NSD1: variants seen among roughly 807,000 people sequenced by gnomAD.
NSD1 encodes histone-lysine N-methyltransferase, H3 lysine-36 specific.
In NSD1, 26 loss-of-function variants were observed where a neutral mutation model predicts 242.7. The observed-to-expected ratio is 0.11, with a 90% confidence interval of 0.08 to 0.15. The LOEUF (loss-of-function observed/expected upper bound fraction) is 0.15. Among genes scored for constraint, NSD1 ranks in the 10% least tolerant of loss-of-function variants. NSD1 has a pLI of 1.00. For missense variants in NSD1, 2,495 were observed against 3,272.8 expected, an observed-to-expected ratio of 0.76 and a Z score of 5.80; for synonymous variants, 1,106 against 1,178.1, an observed-to-expected ratio of 0.94 and a Z score of 1.25.
At chr5:177,268,022 G>A (rs1317401153) in intron 15 of NSD1, among the ~76,000 whole-genome samples, 1 of 148,868 alleles carries the variant, frequency 6.7e-6, no homozygotes, top group African/African-American at 2.5e-5. Flanking sequence ...TTAACATTTC[G>A]GCATATGTAC....
Position 177,273,790 on chromosome 5 carries a change from G to T in NSD1, c.5622+6G>T. The T allele has an allele frequency of 6.3e-7, 1 of 1,594,574 alleles. No individual in the cohort carries two copies. The highest frequency in any genetic ancestry group is 1.1e-5 in the South Asian group (1 of 90,620). On this transcript the variant is annotated splice_donor_region_variant and intron_variant, in intron 17 of 22. Transcript: ENST00000439151. ...CACCTTATAAACATATAAAGGTGAG[G>T]AGAAAATCTTGGGGGACCTTCTCTA... is the stretch of plus-strand genomic sequence containing the variant.
At chr5:177,141,462 C>T (rs139626834) in intron 2 of NSD1, among the ~76,000 whole-genome samples, 4,672 of 149,946 alleles carry the variant, frequency 0.031, 86 homozygotes, top group African/African-American at 0.048. Flanking sequence ...TCCCAAGTAG[C>T]TGGGATTGCA....
intron 20 of NSD1, among the ~76,000 whole-genome samples, chr5:177,284,666 C>A (rs1390705963): frequency 6.6e-6 from 1 of 152,198 alleles, no homozygotes; most frequent in Non-Finnish European, 1.5e-5. Context: ...TATGAACTTA[C>A]CACTAATAGG....
chr5:177,161,680 C>CTTTTTTTTTTTT (rs57657595), intron 2 of NSD1, among the ~76,000 whole-genome samples: 1 of 135,252 alleles, frequency 7.4e-6, no homozygotes, highest in Non-Finnish European at 1.6e-5. Context: ...TTCTTTCTTT[C>CTTTTTTTTTTTT]TTTTTTTTTT....
chr5:177,186,541 C>T (rs1239519690), intron 2 of NSD1, among the ~76,000 whole-genome samples: 1 of 152,026 alleles, frequency 6.6e-6, no homozygotes, highest in Non-Finnish European at 1.5e-5. Flanking sequence ...GTAAAGATCT[C>T]GTCCAAAATT....
At chr5:177,217,990 G>A (rs970260103) in intron 5 of NSD1, among the ~76,000 whole-genome samples, 1 of 152,022 alleles carries the variant, frequency 6.6e-6, no homozygotes, top group Non-Finnish European at 1.5e-5. Flanking sequence ...ATGGCTCACT[G>A]CAGCCTCAAC....
chr5:177,142,545 T>G (rs1473552536), intron 2 of NSD1, among the ~76,000 whole-genome samples: 1 of 152,172 alleles, frequency 6.6e-6, no homozygotes, highest in Non-Finnish European at 1.5e-5. Context: ...CATATGCAAG[T>G]GGCCAGAAAT....
intron 3 of NSD1, among the ~76,000 whole-genome samples, chr5:177,203,497 C>A (rs1762648125): frequency 6.6e-6 from 1 of 152,056 alleles, no homozygotes; most frequent in Non-Finnish European, 1.5e-5. Context: ...CAGTGTTTGA[C>A]CATGCGCTTG....
chr5:177,191,793 A>G, intron 2 of NSD1, 91 bp from the exon 3 acceptor site: 1 of 1,343,250 alleles, frequency 7.4e-7, no homozygotes, highest in African/African-American at 1.4e-5. Context: ...AATTTTTCAT[A>G]CATTGCTTTT....
intron 2 of NSD1, among the ~76,000 whole-genome samples, chr5:177,152,627 G>A (rs201260584): frequency 6.6e-6 from 1 of 151,428 alleles, no homozygotes; most frequent in African/African-American, 2.4e-5. Context: ...CTAATTTTTT[G>A]TATTTTTAGT....
chr5:177,291,136 A>G (rs1026724361), intron 21 of NSD1, among the ~76,000 whole-genome samples: 5 of 152,350 alleles, frequency 3.3e-5, no homozygotes, highest in Admixed American at 6.5e-5. Context: ...GAACAAAGAG[A>G]GAACATCTGC....
chr5:177,191,518 AT>A (rs879291802), intron 2 of NSD1, among the ~76,000 whole-genome samples: 50 of 147,482 alleles, frequency 3.4e-4, no homozygotes, highest in Non-Finnish European at 4.7e-4. Flanking sequence ...TTTTTTCTCC[AT>A]TTTTTTTTTC....
intron 5 of NSD1, among the ~76,000 whole-genome samples, chr5:177,228,445 G>A (rs2149874635): frequency 6.6e-6 from 1 of 151,924 alleles, no homozygotes; most frequent in East Asian, 1.9e-4. Context: ...TTGAACTCCT[G>A]ACCTCAAGTG....
intron 2 of NSD1, among the ~76,000 whole-genome samples, chr5:177,158,293 C>CTTTCTTTCTTTCTTTCTTTTCT (rs1758350204): frequency 6.4e-4 from 50 of 77,736 alleles, no homozygotes; most frequent in Middle Eastern, 6.3e-3. Flanking sequence ...TTCTTTCTTT[C>CTTTCTTTCTTTCTTTCTTTTCT]TTTCTTTCTT....
chr5:177,153,593 A>G (rs924083112), intron 2 of NSD1, among the ~76,000 whole-genome samples: 1 of 152,028 alleles, frequency 6.6e-6, no homozygotes, highest in Admixed American at 6.6e-5. Context: ...TATTTTCCCA[A>G]TCTGGTTTTC....
Position 177,294,149 on chromosome 5 carries a change from A to C in NSD1, c.6781A>C (p.Met2261Leu). ...SDKPPADTNQ[M>L]LSLSKKALAG... The stretch of plus-strand genomic sequence containing the variant: ...TAAACCTCCTGCTGACACCAACCAG[A>C]TGCTGTCGCTCTCCAAAAAAGCTCT... The change falls in exon 23 of 23, where the codon ATG becomes CTG. Residue 2261 changes from methionine (M) to leucine (L), a missense_variant. Met to Leu is a conservative substitution (Grantham distance 15). This residue lies in a region of NSD1 where 475 missense variants were observed against 563.7 expected (regional missense o/e 0.84). Transcript: ENST00000439151. 6 of 1,614,152 alleles carry C rather than the reference A, an allele frequency of 3.7e-6. No homozygotes were observed. The highest frequency in any genetic ancestry group is 1.1e-5 in the South Asian group (1 of 91,082).
At chr5:177,138,374 G>A (rs1263250204) in intron 2 of NSD1, among the ~76,000 whole-genome samples, 3 of 151,926 alleles carry the variant, frequency 2.0e-5, no homozygotes, top group Non-Finnish European at 4.4e-5. Context: ...TCCCACCTCA[G>A]CCTCCCGAGT....
rs1430531821 is a variant in NSD1 at position 177,294,937 on chromosome 5, A to T, written c.7569A>T (p.Ser2523=). 1.2e-6 allele frequency: 2 copies of T among 1,614,202 alleles called. No individual in the cohort carries two copies. Among genetic ancestry groups the T allele is most frequent in the South Asian group, 2.2e-5 (2 of 91,080 alleles). ...LQTSGKAAAP[S]EDPWQAVKSL... Reference sequence around the variant, plus strand: ...CATCTGGGAAAGCAGCAGCCCCTTCAGAGGACCCCTGGCAAGCTGTTAAAT... The same window carrying T: ...CATCTGGGAAAGCAGCAGCCCCTTCTGAGGACCCCTGGCAAGCTGTTAAAT... Residue 2523 remains serine (S), a synonymous_variant, in exon 23 of 23, where the codon TCA becomes TCT. Transcript: ENST00000439151.
intron 2 of NSD1, among the ~76,000 whole-genome samples, chr5:177,161,633 C>T (rs1054872340): frequency 1.3e-5 from 2 of 150,250 alleles, no homozygotes; most frequent in Non-Finnish European, 3.0e-5. Flanking sequence ...TGAATTTTTC[C>T]TGTGAACATT....
Sources: gnomAD v4.1 joint callset for allele counts (sites outside exome capture counted in the v4.1 genomes callset) on GRCh38, gnomAD v4.1.1 for gene constraint, gnomAD v4.1.1 regional missense constraint, MANE v1.5 for transcripts, NCBI Gene and HGNC (gene_info 2026-07-23, HGNC 2026-07-21) for gene names.